The following CDK19 variants were observed in gnomAD, a reference collection of about 807,000 sequenced individuals.
The protein encoded by CDK19 is cyclin-dependent kinase 19.
Under a neutral mutation model 68.3 loss-of-function variants are expected in CDK19, and 20 were observed. That is an observed-to-expected ratio of 0.29 (90% confidence interval 0.21 to 0.43). CDK19 has a LOEUF of 0.43. Ranked by LOEUF, CDK19 falls within the 20% of genes least tolerant of loss-of-function variation. CDK19 has a pLI of 1.00. For missense variants in CDK19, 339 were observed against 623.5 expected, an observed-to-expected ratio of 0.54 and a Z score of 4.86; for synonymous variants, 221 against 222.8, an observed-to-expected ratio of 0.99 and a Z score of 0.07.
At chr6:110,785,579 C>T (rs1326387160) in intron 1 of CDK19, among the ~76,000 whole-genome samples, 7 of 152,174 alleles carry the variant, frequency 4.6e-5, no homozygotes, top group African/African-American at 1.2e-4. Context: ...CACATTGAGT[C>T]GGCTGAGAAG....
At chr6:110,724,990 A>G (rs1288825688) in intron 2 of CDK19, among the ~76,000 whole-genome samples, 1 of 152,202 alleles carries the variant, frequency 6.6e-6, no homozygotes, top group Non-Finnish European at 1.5e-5. Flanking sequence ...AGTAAGCAAA[A>G]TCAAAGTGTC....
chr6:110,794,426 C>T (rs1229689248), intron 1 of CDK19, among the ~76,000 whole-genome samples: 3 of 126,518 alleles, frequency 2.4e-5, no homozygotes, highest in Non-Finnish European at 3.3e-5. Flanking sequence ...TTTTTTGAGA[C>T]GCGTCTCACT....
chr6:110,620,915 C>T (rs1778670135), intron 12 of CDK19, among the ~76,000 whole-genome samples, 189 bp downstream of exon 12: 1 of 152,102 alleles, frequency 6.6e-6, no homozygotes, highest in Non-Finnish European at 1.5e-5. Flanking sequence ...TCAGGATAAA[C>T]AAGTCAGAAT....
In CDK19 at chr6:110,724,716, G is replaced by A. The variant is rs115002401; in HGVS notation, c.204+21410C>T. Among the ~76,000 whole-genome samples, 1,293 of 152,152 alleles carry A rather than the reference G, an allele frequency of 8.5e-3. 14 individuals carry two copies. The highest frequency in any genetic ancestry group is 0.029 in the African/African-American group (1,198 of 41,558). ...CATAGAAGACTTGGCAATCAAGTAC[G>A]GTGAATCTTCAACTATTACATAAAA... is the stretch of plus-strand genomic sequence containing the variant. On this transcript the variant is annotated intron_variant, in intron 2 of 12. Transcript: ENST00000368911.
intron 1 of CDK19, among the ~76,000 whole-genome samples, chr6:110,763,234 A>T (rs1015075493): frequency 6.6e-6 from 1 of 152,150 alleles, no homozygotes; most frequent in Admixed American, 6.6e-5. Context: ...AAAGTGAAGG[A>T]ATGGAGGGAA....
intron 2 of CDK19, among the ~76,000 whole-genome samples, chr6:110,697,800 C>A (rs1773611789): frequency 6.6e-6 from 1 of 152,168 alleles, no homozygotes; most frequent in African/African-American, 2.4e-5. Context: ...CAGCATGGTA[C>A]TGGCATAAAA....
Position 110,621,402 on chromosome 6 carries a change from A to G in CDK19, c.1111-32T>C. The G allele has an allele frequency of 6.6e-7, 1 of 1,517,668 alleles. No individual in the cohort carries two copies. The highest frequency in any genetic ancestry group is 2.1e-4 in the Middle Eastern group (1 of 4,676). 94.0% of individuals were successfully genotyped at this position (1,517,668 alleles called of 1,614,324 possible). A position where few individuals can be genotyped will look rare whatever the true frequency, so the allele number is the denominator to read the frequency against. On this transcript the variant is annotated intron_variant, in intron 11 of 12. Coordinates refer to ENST00000368911, the MANE Select transcript of CDK19 (RefSeq NM_015076.5). This position sits in a 1 kb window ranked among gnomAD's most constrained non-coding sequence, Gnocchi z 5.4. The stretch of plus-strand genomic sequence containing the variant: ...AGGGGAAAAAAGCAAGCTTGGTATG[A>G]AACCAAATTAACAGGAGCTTTCTTT...
intron 9 of CDK19, 129 bp downstream of exon 9, chr6:110,623,161 A>G: frequency 1.3e-6 from 1 of 784,274 alleles, no homozygotes; most frequent in East Asian, 2.5e-5. Context: ...CATCTCAACA[A>G]AAAAAATATT....
At chr6:110,684,561 G>C (rs1431187033) in intron 2 of CDK19, among the ~76,000 whole-genome samples, 1 of 152,038 alleles carries the variant, frequency 6.6e-6, no homozygotes, top group African/African-American at 2.4e-5. Flanking sequence ...TAGTTTTCTT[G>C]TCCTTCTCCA....
At chr6:110,779,582 T>C (rs1780651954) in intron 1 of CDK19, among the ~76,000 whole-genome samples, 2 of 152,106 alleles carry the variant, frequency 1.3e-5, no homozygotes, top group African/African-American at 4.8e-5. Flanking sequence ...AAATGTTAGA[T>C]GAATAAATGA....
intron 1 of CDK19, among the ~76,000 whole-genome samples, chr6:110,770,892 CA>C (rs1779968287): frequency 6.6e-6 from 1 of 152,194 alleles, no homozygotes; most frequent in African/African-American, 2.4e-5. Flanking sequence ...CCCAGCAGAG[CA>C]GTCAAATTTT....
At chr6:110,704,090 G>C (rs1294183130) in intron 2 of CDK19, among the ~76,000 whole-genome samples, 1 of 152,134 alleles carries the variant, frequency 6.6e-6, no homozygotes, top group Non-Finnish European at 1.5e-5. Flanking sequence ...TTAAGTTGTT[G>C]TTTTTGGTGT....
chr6:110,769,564 C>CAA (rs199964074), intron 1 of CDK19, among the ~76,000 whole-genome samples: 1 of 117,928 alleles, frequency 8.5e-6, no homozygotes, highest in Non-Finnish European at 1.9e-5. Flanking sequence ...GATTCCATCT[C>CAA]AAAAAAAAAA....
intron 2 of CDK19, among the ~76,000 whole-genome samples, chr6:110,703,775 G>A (rs1455581371): frequency 6.6e-6 from 1 of 152,130 alleles, no homozygotes; most frequent in African/African-American, 2.4e-5. Context: ...AGAAGTTCAA[G>A]GCTGCAGTGA....
At chr6:110,763,528 G>A (rs549787531) in intron 1 of CDK19, among the ~76,000 whole-genome samples, 15 of 149,494 alleles carry the variant, frequency 1.0e-4, no homozygotes, top group South Asian at 4.2e-4. Context: ...CAATTCTCCT[G>A]CCTCAGCCTC....
At chr6:110,623,151 C>T in intron 9 of CDK19, 139 bp downstream of exon 9, 1 of 708,832 alleles carries the variant, frequency 1.4e-6, no homozygotes, top group East Asian at 2.6e-5. Context: ...GACAGGGTGA[C>T]ATCTCAACAA....
intron 1 of CDK19, among the ~76,000 whole-genome samples, chr6:110,747,884 C>G (rs1219294418): frequency 1.3e-5 from 2 of 152,150 alleles, no homozygotes; most frequent in African/African-American, 4.8e-5. Context: ...TAATCAAAGC[C>G]AAGTGTCCCT....
At chr6:110,705,229 G>T (rs1019498709) in intron 2 of CDK19, among the ~76,000 whole-genome samples, 1 of 151,986 alleles carries the variant, frequency 6.6e-6, no homozygotes, top group Non-Finnish European at 1.5e-5. Context: ...TAGTAGAGAC[G>T]GGGTTTCTCC....
intron 12 of CDK19, among the ~76,000 whole-genome samples, chr6:110,615,591 A>G (rs1265474088): frequency 6.6e-6 from 1 of 152,230 alleles, no homozygotes; most frequent in African/African-American, 2.4e-5. Flanking sequence ...AACCCACTCC[A>G]TCTTGCCTTT....
Sources: gnomAD v4.1 joint callset for allele counts (sites outside exome capture counted in the v4.1 genomes callset) on GRCh38, gnomAD v4.1.1 for gene constraint, Gnocchi (gnomAD v3.1) non-coding constraint, MANE v1.5 for transcripts, NCBI Gene and HGNC (gene_info 2026-07-23, HGNC 2026-07-21) for gene names.